The following ARHGAP40 variants were observed in gnomAD, a reference collection of about 807,000 sequenced individuals.
ARHGAP40 encodes rho GTPase-activating protein 40.
In ARHGAP40, 43 loss-of-function variants were observed where a neutral mutation model predicts 73.5. The ratio of observed to expected loss-of-function variants is 0.58; its 90% CI spans 0.46 to 0.75. ARHGAP40 has a LOEUF of 0.75. Ranked by LOEUF, ARHGAP40 falls within the 30% of genes least tolerant of loss-of-function variation. ARHGAP40 has a pLI of 0.00. For synonymous variants in ARHGAP40, 300 were observed against 352.8 expected, an observed-to-expected ratio of 0.85 and a Z score of 1.68; for missense variants, 734 against 861.8, an observed-to-expected ratio of 0.85 and a Z score of 1.86.
At chr20:38,616,815 C>T (rs1484730511) in intron 1 of ARHGAP40, among the ~76,000 whole-genome samples, 2 of 152,180 alleles carry the variant, frequency 1.3e-5, no homozygotes, top group Admixed American at 1.3e-4. Context: ...GAGAGGGATG[C>T]TTTGGCGTCT....
At chr20:38,634,815 G>A (rs759408242) in intron 6 of ARHGAP40, 30 bp downstream of exon 6, 6 of 1,245,684 alleles carry the variant, frequency 4.8e-6, no homozygotes, top group Non-Finnish European at 6.2e-6. Flanking sequence ...GGAAAGCCCT[G>A]TGGCCACAGT....
intron 1 of ARHGAP40, chr20:38,614,946 C>G: frequency 7.6e-7 from 1 of 1,312,936 alleles, no homozygotes; most frequent in South Asian, 1.2e-5. Flanking sequence ...TCTCCGAAGG[C>G]TGGAGGTTTG....
At chr20:38,642,102 G>T (rs2089022404) in intron 10 of ARHGAP40, among the ~76,000 whole-genome samples, 1 of 152,164 alleles carries the variant, frequency 6.6e-6, no homozygotes, top group Non-Finnish European at 1.5e-5. Flanking sequence ...ATGAAACAAG[G>T]TTAAGAATAC....
intron 1 of ARHGAP40, chr20:38,615,044 A>G (rs2088826714): frequency 9.8e-7 from 1 of 1,021,548 alleles, no homozygotes; most frequent in Non-Finnish European, 1.6e-6. Flanking sequence ...CCGGCTTGGC[A>G]TGTGCCTCCT....
chr20:38,632,532 A>G (rs2088947759), intron 5 of ARHGAP40, among the ~76,000 whole-genome samples: 1 of 151,950 alleles, frequency 6.6e-6, no homozygotes, highest in Non-Finnish European at 1.5e-5. Flanking sequence ...AAGTGCTGGG[A>G]TTACAGGCGT....
chr20:38,621,437 T>C lies in ARHGAP40; in HGVS notation c.138-1922T>C, dbSNP rs568574983. 2.6e-4 allele frequency among the ~76,000 whole-genome samples: 40 copies of C among 152,312 alleles called. 1 individual carries two copies. The highest frequency in any genetic ancestry group is 1.5e-3 in the Admixed American group (23 of 15,306). ...AAATGCGCTGTGTGGGGGACCTTCC[T>C]GTGAGCATCCAGCTCCTCAGCAAAG... On this transcript the variant is annotated intron_variant, in intron 1 of 14. Transcript: ENST00000373345.
chr20:38,629,735 AC>A, intron 5 of ARHGAP40, 85 bp downstream of exon 5: 1 of 1,218,540 alleles, frequency 8.2e-7, no homozygotes. Context: ...TTCCACACTG[AC>A]AGGCATCCAG....
At chr20:38,642,250 G>T (rs374354994) in intron 10 of ARHGAP40, among the ~76,000 whole-genome samples, 1 of 152,152 alleles carries the variant, frequency 6.6e-6, no homozygotes, top group South Asian at 2.1e-4. Context: ...GCATGGCACT[G>T]GTGTTCCATG....
chr20:38,626,248 T>C (rs2088898355), intron 2 of ARHGAP40, among the ~76,000 whole-genome samples: 1 of 152,244 alleles, frequency 6.6e-6, no homozygotes, highest in Admixed American at 6.5e-5. Flanking sequence ...TGGGTACAAC[T>C]GTACACCCCA....
chr20:38,624,491 A>T (rs1386539660), intron 2 of ARHGAP40, among the ~76,000 whole-genome samples: 1 of 152,166 alleles, frequency 6.6e-6, no homozygotes, highest in Non-Finnish European at 1.5e-5. Context: ...CGTGTAATAA[A>T]GCCACCAGAT....
At chr20:38,640,122 TTCC>T (rs2089006475) in intron 9 of ARHGAP40, among the ~76,000 whole-genome samples, 1 of 25,834 alleles carries the variant, frequency 3.9e-5, no homozygotes, top group Non-Finnish European at 9.3e-5. Flanking sequence ...CTTCCTCTTC[TTCC>T]TCTTCTTTCT....
exon 4 of ARHGAP40, chr20:38,628,966 G>T: frequency 7.7e-7 from 1 of 1,304,996 alleles, no homozygotes; most frequent in South Asian, 1.2e-5. Flanking sequence ...TATGAAGGGG[G>T]CCCAGCTCAG....
intron 6 of ARHGAP40, among the ~76,000 whole-genome samples, chr20:38,636,845 G>T (rs1248775721): frequency 1.3e-5 from 2 of 152,018 alleles, no homozygotes; most frequent in Non-Finnish European, 2.9e-5. Context: ...GGTTTGTTTT[G>T]GTTTGGTTTT....
rs1257664078 is a variant in ARHGAP40 at position 38,646,169 on chromosome 20, G to A, written c.1692G>A (p.Ala564=). 4 of 1,302,994 alleles carry A rather than the reference G, an allele frequency of 3.1e-6. No individual in the cohort carries two copies. In the South Asian group the frequency reaches 3.7e-5, roughly 12 times the overall value. 80.7% of individuals were successfully genotyped at this position (1,302,994 alleles called of 1,614,324 possible). A position where few individuals can be genotyped will look rare whatever the true frequency, so the allele number is the denominator to read the frequency against. Residue 564 remains alanine, a synonymous_variant, in exon 12 of 15, where the codon GCG becomes GCA. Transcript: ENST00000373345. This position sits in a 1 kb window ranked among gnomAD's most constrained non-coding sequence, Gnocchi z 4.5. ...GGATGCACGCAGACAGGGACAAGGC[G>A]GGGGACGGCCTCGAGGCGGTGAGTG...
chr20:38,621,829 G>A (rs375192647), intron 1 of ARHGAP40, among the ~76,000 whole-genome samples: 16 of 152,118 alleles, frequency 1.1e-4, no homozygotes, highest in African/African-American at 2.7e-4. Context: ...CAAGGCAGGC[G>A]GATTGCTTGA....
chr20:38,614,860 A>T (rs1569008547), intron 1 of ARHGAP40: 5 of 1,049,556 alleles, frequency 4.8e-6, no homozygotes, highest in Non-Finnish European at 7.4e-6. Flanking sequence ...TGAGTACCTC[A>T]TCACGTCCTG....
intron 1 of ARHGAP40, among the ~76,000 whole-genome samples, chr20:38,616,329 TATC>T (rs2088838912): frequency 6.6e-6 from 1 of 152,192 alleles, no homozygotes; most frequent in Non-Finnish European, 1.5e-5. Context: ...CTCCACAACA[TATC>T]ATTACCCAAC....
At chr20:38,647,016 T>C (rs1237126766) in exon 13 of ARHGAP40, 3 of 1,305,488 alleles carry the variant, frequency 2.3e-6, no homozygotes, top group Non-Finnish European at 2.0e-6. Context: ...TGAAGGTGCC[T>C]CTCACCCCCA....
intron 10 of ARHGAP40, among the ~76,000 whole-genome samples, chr20:38,643,403 A>G (rs1255228533): frequency 2.0e-5 from 3 of 152,120 alleles, no homozygotes; most frequent in Non-Finnish European, 2.9e-5. Flanking sequence ...GAAATGACCC[A>G]TGTTCCAGAC....
Sources: gnomAD v4.1 joint callset for allele counts (sites outside exome capture counted in the v4.1 genomes callset) on GRCh38, gnomAD v4.1.1 for gene constraint, Gnocchi (gnomAD v3.1) non-coding constraint, MANE v1.5 for transcripts, NCBI Gene and HGNC (gene_info 2026-07-23, HGNC 2026-07-21) for gene names.